NKX6-3: variants seen among roughly 807,000 people sequenced by gnomAD.
The protein encoded by NKX6-3 is homeobox protein Nkx-6.3.
Under a neutral mutation model 22.0 loss-of-function variants are expected in NKX6-3, and 17 were observed. The observed-to-expected ratio is 0.77, with a 90% CI of 0.53 to 1.16. The LOEUF (loss-of-function observed/expected upper bound fraction) is 1.16. Among genes scored for constraint, NKX6-3 ranks in the 50% most tolerant of loss-of-function variants. The pLI, the probability that NKX6-3 is intolerant of heterozygous loss-of-function variation, is 0.00. For synonymous variants in NKX6-3, 177 were observed against 167.2 expected (o/e 1.06, Z -0.45); for missense variants, 363 against 359.0 (o/e 1.01, Z -0.09).
At position 41,646,136 on chromosome 8, in the gene NKX6-3, A is replaced by C; in HGVS notation, c.*313T>G. 2.1e-6 allele frequency: 1 copy of C among 480,828 alleles called. No individual in the cohort carries two copies. Among genetic ancestry groups the C allele is most frequent in the East Asian group, 3.9e-5 (1 of 25,584 alleles). 29.8% of individuals were successfully genotyped at this position (480,828 alleles called of 1,614,324 possible). ...ATTTTAGTCCTCTGTCCACTTGTGA[A>C]TCTGCAGAACTGGCAGGCGAGGCCC... On this transcript the variant is annotated 3_prime_UTR_variant, in exon 3 of 3. Transcript: ENST00000518699.
rs1356678703 is a variant in NKX6-3 at position 41,646,569 on chromosome 8, G to A, written c.678C>T (p.Asn226=). The A allele has an allele frequency of 6.2e-7, 1 of 1,601,866 alleles. No homozygotes were observed. Among genetic ancestry groups the A allele is most frequent in the South Asian group, 1.1e-5 (1 of 89,500 alleles). The change falls in exon 3 of 3, where the codon AAC becomes AAT. Residue 226 remains asparagine (N), a synonymous_variant. Coordinates refer to ENST00000518699, the MANE Select transcript of NKX6-3 (RefSeq NM_001364841.2). The part of the protein sequence containing the change: ...GAGGDRAPSE[N]EDDEYNKPLD... ...GCGGCTTGTTGTACTCGTCGTCCTC[G>A]TTCTCCGAGGGTGCGCGGTCCCCGC...
intron 2 of NKX6-3, chr8:41,647,231 TC>T: frequency 1.9e-6 from 3 of 1,611,836 alleles, no homozygotes; most frequent in Non-Finnish European, 2.5e-6. Flanking sequence ...GTCTGCTTCT[TC>T]CCCCCAGCTC....
In NKX6-3 at chr8:41,650,349, G is replaced by T. The variant is rs979536785; in HGVS notation, c.144C>A (p.Ala48=). The T allele has an allele frequency of 1.3e-5, 20 of 1,534,756 alleles. No individual in the cohort carries two copies. In the East Asian group the frequency reaches 4.9e-4, roughly 38 times the overall value. The change falls in exon 1 of 3, where the codon GCC becomes GCA. Residue 48 remains alanine, a synonymous_variant. Coordinates refer to ENST00000518699, the MANE Select transcript of NKX6-3 (RefSeq NM_001364841.2). ...LSPPGLGPQL[A]AGTPHGITDI... is the part of the protein sequence containing the mutation. ...CCGTGATCCCGTGGGGGGTTCCGGC[G>T]GCCAGCTGGGGGCCCAGCCCTGGGG...
intron 2 of NKX6-3, chr8:41,647,284 G>GGGTTGGA (rs1563289741): frequency 6.2e-7 from 1 of 1,605,566 alleles, no homozygotes. Context: ...AGGGCGCAGC[G>GGGTTGGA]GGTTGGAGCT....
rs187845100 is a variant in NKX6-3 at position 41,650,653 on chromosome 8, G to T, written c.-161C>A. ...TGGGCCAGGCCCTGGCCCAGGAACC[G>T]GCACCCGATCAGCTGCTCGGAAGTC... On this transcript the variant is annotated 5_prime_UTR_variant, in exon 1 of 3. Coordinates refer to ENST00000518699, the MANE Select transcript of NKX6-3 (RefSeq NM_001364841.2). 2 of 688,378 alleles carry T rather than the reference G, an allele frequency of 2.9e-6. No individual in the cohort carries two copies. The highest frequency in any genetic ancestry group is 4.7e-6 in the Non-Finnish European group (2 of 422,904). 42.6% of individuals were successfully genotyped at this position (688,378 alleles called of 1,614,324 possible).
chr8:41,648,043 T>C (rs1585695286), intron 2 of NKX6-3, 23 bp downstream of exon 2: 3 of 1,510,850 alleles, frequency 2.0e-6, no homozygotes, highest in Non-Finnish European at 2.7e-6. Flanking sequence ...GCAGGGCAGG[T>C]GCCATCTCCC....
Position 41,650,729 on chromosome 8 carries a change from T to G in NKX6-3, c.-237A>C. 1 of 510,334 alleles carries G rather than the reference T, an allele frequency of 2.0e-6. No individual in the cohort carries two copies. The highest frequency in any genetic ancestry group is 3.6e-5 in the East Asian group (1 of 27,946). 31.6% of individuals were successfully genotyped at this position (510,334 alleles called of 1,614,324 possible). ...TCCCCAGGGCTCCTGGCCTCTCTCCTTGCCCTGGCCGGACAGGGTGGCCCC... is the reference window on the plus strand; with the variant it reads ...TCCCCAGGGCTCCTGGCCTCTCTCCGTGCCCTGGCCGGACAGGGTGGCCCC... On this transcript the variant is annotated 5_prime_UTR_variant, in exon 1 of 3. Coordinates refer to ENST00000518699, the MANE Select transcript of NKX6-3 (RefSeq NM_001364841.2).
Position 41,648,223 on chromosome 8 carries a change from A to AG in NKX6-3, c.394dup (p.Leu132ProfsTer3). The AG allele has an allele frequency of 6.5e-7, 1 of 1,536,052 alleles. No homozygotes were observed. Among genetic ancestry groups the AG allele is most frequent in the Non-Finnish European group, 8.7e-7 (1 of 1,146,312 alleles). ...CTTCTTCTTGTGTATGCTGTCACTCAGGGGGTCTGGGGCTGGCAGGAGGAA... is the reference window on the plus strand; with the variant it reads ...CTTCTTCTTGTGTATGCTGTCACTCAGGGGGGTCTGGGGCTGGCAGGAGGAA... On this transcript the variant is annotated frameshift_variant, in exon 2 of 3. Transcript: ENST00000518699. LOFTEE classifies it high-confidence loss of function.
rs1439464828 is a variant in NKX6-3 at position 41,648,191 on chromosome 8, G to A, written c.427C>T (p.Arg143Trp). 11 of 1,538,050 alleles carry A rather than the reference G, an allele frequency of 7.2e-6. No individual in the cohort carries two copies. The highest frequency in any genetic ancestry group is 2.7e-5 in the African/African-American group (2 of 73,042). ...SDSIHKKKHT[R>W]PTFTGHQIFA... ...ATCTGGTGCCCCGTGAAGGTGGGCCGGGTGTGCTTCTTCTTGTGTATGCTG... is the reference window on the plus strand; with the variant it reads ...ATCTGGTGCCCCGTGAAGGTGGGCCAGGTGTGCTTCTTCTTGTGTATGCTG... The change falls in exon 2 of 3, where the codon CGG becomes TGG. Residue 143 changes from arginine (R) to tryptophan (W), a missense_variant. By Grantham distance (101) the Arg-to-Trp change is moderately radical. Coordinates refer to ENST00000518699, the MANE Select transcript of NKX6-3 (RefSeq NM_001364841.2).
chr8:41,647,457 G>GCCCCAAAT, intron 2 of NKX6-3: 5 of 1,260,498 alleles, frequency 4.0e-6, no homozygotes, highest in Non-Finnish European at 5.4e-6. Context: ...CTATTTAGGG[G>GCCCCAAAT]GCATTTGGGG....
At chr8:41,649,341 G>A (rs1804269573) in intron 1 of NKX6-3, among the ~76,000 whole-genome samples, 1 of 152,154 alleles carries the variant, frequency 6.6e-6, no homozygotes, top group Non-Finnish European at 1.5e-5. Context: ...CCTGACGTGG[G>A]CAGGGCTTCG....
chr8:41,650,375 G>A lies in NKX6-3; in HGVS notation c.118C>T (p.Pro40Ser), dbSNP rs911580064. ...GCCAGCTGGGGGCCCAGCCCTGGGG[G>A]GCTGAGCTTGTAGAAGGAGTTCTGC... ...SVQNSFYKLS[P>S]PGLGPQLAAG... Residue 40 changes from proline to serine, a missense_variant, in exon 1 of 3, where the codon CCC (proline) becomes TCC (serine). Physicochemically the swap from Pro to Ser is moderately conservative, Grantham distance 74 (BLOSUM62 -1). Around this residue, in one of 3 missense-constraint regions of NKX6-3, gnomAD observed 175 missense variants for 160.9 expected, o/e 1.09. Transcript: ENST00000518699. The A allele has an allele frequency of 5.2e-6, 8 of 1,535,332 alleles. No individual in the cohort carries two copies. The highest frequency in any genetic ancestry group is 7.0e-6 in the Non-Finnish European group (8 of 1,146,580).
Position 41,650,562 on chromosome 8 carries a change from A to G in NKX6-3, c.-70T>C, listed in dbSNP as rs1009130757. On this transcript the variant is annotated 5_prime_UTR_variant, in exon 1 of 3. Transcript: ENST00000518699. ...CCCAAGAGCCCACTCTCTAGCCCCA[A>G]ATCTCATGGCAGGCCTGGAGGCTTA... The G allele has an allele frequency of 6.9e-6, 10 of 1,451,664 alleles. No homozygotes were observed. In the African/African-American group the frequency reaches 1.4e-4, roughly 21 times the overall value. The allele number at this position is 1,451,664 out of a possible 1,614,324, so 89.9% of individuals were successfully genotyped here.
chr8:41,648,628 C>T (rs547095763), intron 1 of NKX6-3, among the ~76,000 whole-genome samples: 8 of 152,350 alleles, frequency 5.3e-5, no homozygotes, highest in Admixed American at 5.2e-4. Context: ...TGAATTCCCT[C>T]CACCCCCGGC....
chr8:41,646,743 A>G (rs1240053676), intron 2 of NKX6-3, 49 bp from the exon 3 acceptor site: 19 of 1,515,832 alleles, frequency 1.3e-5, no homozygotes, highest in Non-Finnish European at 1.6e-5. Context: ...CGCGCACGGG[A>G]CGCGAGAACA....
chr8:41,647,310 G>A, intron 2 of NKX6-3: 1 of 1,595,048 alleles, frequency 6.3e-7, no homozygotes, highest in Non-Finnish European at 8.5e-7. Context: ...AGGCCCCAGG[G>A]CCCTGAGCAA....
Position 41,646,179 on chromosome 8 carries a change from A to G in NKX6-3, c.*270T>C, listed in dbSNP as rs1482335002. The stretch of plus-strand genomic sequence containing the variant: ...CGAGGCCCGAGGAGGTGCAAGGGGC[A>G]GCGGCTTCCAGGTCTCAGGAGTGCT... On this transcript the variant is annotated 3_prime_UTR_variant, in exon 3 of 3. Transcript: ENST00000518699. 1.8e-5 allele frequency: 10 copies of G among 562,740 alleles called. No homozygotes were observed. Among genetic ancestry groups the G allele is most frequent in the East Asian group, 1.5e-4 (5 of 32,372 alleles). 34.9% of individuals were successfully genotyped at this position (562,740 alleles called of 1,614,324 possible).
Position 41,646,283 on chromosome 8 carries a change from TCC to T in NKX6-3, c.*164_*165del. ...CTCCTTTTCCTCCTCCTCCCCCGCC[TCC>T]CCTCCTCCTCCCCTGCACCTGCTGC... On this transcript the variant is annotated 3_prime_UTR_variant, in exon 3 of 3. Transcript: ENST00000518699. 1 of 811,514 alleles carries T rather than the reference TCC, an allele frequency of 1.2e-6. No individual in the cohort carries two copies. Among genetic ancestry groups the T allele is most frequent in the Non-Finnish European group, 1.8e-6 (1 of 545,310 alleles). The allele number at this position is 811,514 out of a possible 1,614,324, so 50.3% of individuals were successfully genotyped here.
At chr8:41,648,928 A>T (rs778174920) in intron 1 of NKX6-3, among the ~76,000 whole-genome samples, 1 of 152,218 alleles carries the variant, frequency 6.6e-6, no homozygotes, top group Non-Finnish European at 1.5e-5. Flanking sequence ...GCACAGAGAG[A>T]GGAAGAGCCC....
Sources: gnomAD v4.1 joint callset for allele counts (sites outside exome capture counted in the v4.1 genomes callset) on GRCh38, gnomAD v4.1.1 for gene constraint, gnomAD v4.1.1 regional missense constraint, MANE v1.5 for transcripts, NCBI Gene and HGNC (gene_info 2026-07-23, HGNC 2026-07-21) for gene names.